The following ARHGAP5 variants were observed in gnomAD, a reference collection of about 807,000 sequenced individuals.
The protein encoded by ARHGAP5 is rho GTPase-activating protein 5.
ARHGAP5 carries 23 observed loss-of-function variants against 116.6 expected under a neutral mutation model. The ratio of observed to expected loss-of-function variants is 0.20; its 90% CI spans 0.14 to 0.28. ARHGAP5 has a LOEUF of 0.28. Ranked by LOEUF, ARHGAP5 falls within the 10% of genes least tolerant of loss-of-function variation. The pLI, the probability that ARHGAP5 is intolerant of heterozygous loss-of-function variation, is 1.00. For synonymous variants in ARHGAP5, 574 were observed against 602.0 expected, an observed-to-expected ratio of 0.95 and a Z score of 0.68; for missense variants, 1,405 against 1,774.8, an observed-to-expected ratio of 0.79 and a Z score of 3.74.
At chr14:32,124,550 T>C (rs1233536148) in intron 3 of ARHGAP5, among the ~76,000 whole-genome samples, 1 of 152,170 alleles carries the variant, frequency 6.6e-6, no homozygotes, top group Non-Finnish European at 1.5e-5. Context: ...ATAAGGATGA[T>C]AAACCTGATA....
chr14:32,080,866 T>C (rs1367430230), intron 1 of ARHGAP5, among the ~76,000 whole-genome samples: 1 of 152,162 alleles, frequency 6.6e-6, no homozygotes, highest in Admixed American at 6.5e-5. Context: ...CTTGGTCATA[T>C]CTGTGTTTTA....
At chr14:32,143,401 C>G (rs1881231681) in intron 3 of ARHGAP5, among the ~76,000 whole-genome samples, 2 of 152,062 alleles carry the variant, frequency 1.3e-5, no homozygotes, top group African/African-American at 4.8e-5. Flanking sequence ...CACCACCACG[C>G]CTGGCTAATT....
intron 2 of ARHGAP5, among the ~76,000 whole-genome samples, chr14:32,106,280 C>G (rs969763161): frequency 6.6e-6 from 1 of 152,102 alleles, no homozygotes; most frequent in Admixed American, 6.6e-5. Flanking sequence ...ACCACCACAC[C>G]TGGCTAATTT....
chr14:32,107,333 A>G (rs1375659832), intron 2 of ARHGAP5, among the ~76,000 whole-genome samples: 1 of 152,202 alleles, frequency 6.6e-6, no homozygotes, highest in African/African-American at 2.4e-5. Context: ...AAGCTTAGAC[A>G]TACCTGTCTA....
rs1881901524 is a variant in ARHGAP5, at chr14:32,156,561, T to C, written c.*1613T>C. 1 of 152,348 alleles carries C rather than the reference T, an allele frequency of 6.6e-6. No individual in the cohort carries two copies. The highest frequency in any genetic ancestry group is 1.5e-5 in the Non-Finnish European group (1 of 67,806). 9.4% of individuals were successfully genotyped at this position (152,348 alleles called of 1,614,324 possible). ...TGTGTTATACTCTTACATGTTATCT[T>C]TTCTAAGAAAACAAAGTCCCTATTA... On this transcript the variant is annotated 3_prime_UTR_variant, in exon 7 of 7. Transcript: ENST00000345122.
chr14:32,085,382 C>G lies in ARHGAP5; in HGVS notation c.-168-5120C>G, dbSNP rs184899377. ...AGAGGATCACCTGAGCGCAGGAGTT[C>G]GAGGCTGCAGTGAGCTATGATCATG... is the stretch of plus-strand genomic sequence containing the variant. On this transcript the variant is annotated intron_variant, in intron 1 of 6. Transcript: ENST00000345122. 3.5e-3 allele frequency among the ~76,000 whole-genome samples: 537 copies of G among 151,978 alleles called. 1 individual carries two copies. Among genetic ancestry groups the G allele is most frequent in the Non-Finnish European group, 4.8e-3 (329 of 67,966 alleles).
chr14:32,082,290 A>T (rs2041785038), intron 1 of ARHGAP5, among the ~76,000 whole-genome samples: 1 of 152,156 alleles, frequency 6.6e-6, no homozygotes, highest in Non-Finnish European at 1.5e-5. Flanking sequence ...ATTACACCAA[A>T]TGGTCTCATA....
In ARHGAP5 at chr14:32,092,884, C is replaced by G; in HGVS notation, c.2215C>G (p.Arg739Gly). 6.2e-7 allele frequency: 1 copy of G among 1,613,928 alleles called. No individual in the cohort carries two copies. The change falls in exon 2 of 7, where the codon CGT becomes GGT. Residue 739 changes from arginine to glycine, a missense_variant. Physicochemically the swap from Arg to Gly is moderately radical, Grantham distance 125. Transcript: ENST00000345122. The surrounding 1 kb of genome is among the most constrained non-coding windows in gnomAD (Gnocchi z 4.1). ...AGATGTACCTGCTGGTACATATCCT[C>G]GTAAATTTAATGAAACCCAAATAAA... ...FVDVPAGTYP[R>G]KFNETQIKQA... is the part of the protein sequence containing the mutation.
At chr14:32,129,265 G>A (rs1239770120) in intron 3 of ARHGAP5, among the ~76,000 whole-genome samples, 1 of 151,980 alleles carries the variant, frequency 6.6e-6, no homozygotes, top group South Asian at 2.1e-4. Context: ...AGTCCTTTCT[G>A]TTCCCATTTT....
In ARHGAP5 at chr14:32,077,502, G is replaced by A. The variant is rs1340199891; in HGVS notation, c.-169+67G>A. 12 of 670,982 alleles carry A rather than the reference G, an allele frequency of 1.8e-5. No individual in the cohort carries two copies. The East Asian group carries it at 2.9e-4, about 16-fold the overall frequency. 41.6% of individuals were successfully genotyped at this position (670,982 alleles called of 1,614,324 possible). A position where few individuals can be genotyped will look rare whatever the true frequency, so the allele number is the denominator to read the frequency against. ...CCTCCCGGACGGGGACCCTCCTGCG[G>A]CTAGCTGCCCCGCTCGGTCGCCGCT... On this transcript the variant is annotated intron_variant, in intron 1 of 6. Transcript: ENST00000345122.
rs8012081 is a variant in ARHGAP5, at chr14:32,139,507, G to C, written c.3866-6756G>C. On this transcript the variant is annotated intron_variant, in intron 3 of 6. Coordinates refer to ENST00000345122, the MANE Select transcript of ARHGAP5 (RefSeq NM_001030055.2). ...ATTTGATGGCGTACAATTGTTCATA[G>C]TATTCTCTTGTAACCCTTTTTATCT... Among the ~76,000 whole-genome samples the C allele has an allele frequency of 4.8e-3, 727 of 152,100 alleles. 11 individuals carry two copies. The highest frequency in any genetic ancestry group is 0.017 in the African/African-American group (711 of 41,544).
chr14:32,098,989 T>C (rs1407454017), intron 2 of ARHGAP5, among the ~76,000 whole-genome samples: 2 of 152,174 alleles, frequency 1.3e-5, no homozygotes, highest in African/African-American at 4.8e-5. Context: ...TTTAGTATAT[T>C]ACAGTAATCT....
chr14:32,104,766 T>C (rs1878934862), intron 2 of ARHGAP5, among the ~76,000 whole-genome samples: 1 of 152,238 alleles, frequency 6.6e-6, no homozygotes, highest in Non-Finnish European at 1.5e-5. Context: ...TTGAGTCGTG[T>C]ATGGACCTTT....
chr14:32,131,875 G>A (rs532069453), intron 3 of ARHGAP5, among the ~76,000 whole-genome samples: 2 of 152,244 alleles, frequency 1.3e-5, no homozygotes, highest in South Asian at 4.2e-4. Context: ...GAGAATGATG[G>A]TTTCCAGTTT....
intron 1 of ARHGAP5, among the ~76,000 whole-genome samples, chr14:32,087,325 C>T (rs893851719): frequency 2.6e-5 from 4 of 151,884 alleles, no homozygotes; most frequent in Non-Finnish European, 2.9e-5. Context: ...ATGAAGTTCC[C>T]TTAAAACCTG....
In ARHGAP5 at chr14:32,092,029, A is replaced by G; in HGVS notation, c.1360A>G (p.Met454Val). 1 of 1,613,758 alleles carries G rather than the reference A, an allele frequency of 6.2e-7. No homozygotes were observed. Residue 454 changes from methionine (M) to valine (V), a missense_variant, in exon 2 of 7, where the codon ATG becomes GTG. This residue lies in a region of ARHGAP5 where 944 missense variants were observed against 1,095.3 expected (regional missense o/e 0.86). Transcript: ENST00000345122. This position sits in a 1 kb window ranked among gnomAD's most constrained non-coding sequence, Gnocchi z 4.1. ...ACCAGGGCAGCCATGGGAGGAAGTT[A>G]TGTGCTTTGTTATGGAGGATGAAGC... ...ISPGQPWEEV[M>V]CFVMEDEAYK...
intron 4 of ARHGAP5, among the ~76,000 whole-genome samples, 157 bp downstream of exon 4, chr14:32,146,497 G>T (rs1341600792): frequency 1.3e-5 from 2 of 152,152 alleles, no homozygotes; most frequent in Non-Finnish European, 2.9e-5. Context: ...AAGTAAAATA[G>T]ATACCACAGT....
rs553846644 is a variant in ARHGAP5, at chr14:32,113,903, C to G, written c.3718-3237C>G. Among the ~76,000 whole-genome samples the G allele has an allele frequency of 1.2e-4, 18 of 152,248 alleles. No homozygotes were observed. In the South Asian group the frequency reaches 3.7e-3, roughly 32 times the overall value. On this transcript the variant is annotated intron_variant, in intron 2 of 6. Transcript: ENST00000345122. ...GATCCCTTCCTTCCTGTTGTTCCCA[C>G]CATAGTCTAGGCATTGCCATTTTCA...
At position 32,158,394 on chromosome 14, in the gene ARHGAP5, T is replaced by C. The variant is rs1361515548; in HGVS notation, c.*3446T>C. The C allele has an allele frequency of 6.6e-6, 1 of 151,936 alleles. No individual in the cohort carries two copies. The highest frequency in any genetic ancestry group is 1.5e-5 in the Non-Finnish European group (1 of 67,842). The allele number at this position is 151,936 out of a possible 1,614,324, so 9.4% of individuals were successfully genotyped here. On this transcript the variant is annotated 3_prime_UTR_variant, in exon 7 of 7. Transcript: ENST00000345122. ...AGATTTCTAAGACTAAGATCTTACC[T>C]GGATGTGATTTTTGAGCTGTGGCTA... is the stretch of plus-strand genomic sequence containing the variant.
Sources: allele counts gnomAD v4.1 joint callset (sites outside exome capture counted in the v4.1 genomes callset), GRCh38; gene constraint gnomAD v4.1.1; regional missense constraint gnomAD v4.1.1; non-coding constraint Gnocchi (gnomAD v3.1); transcripts MANE v1.5; gene names NCBI Gene and HGNC (gene_info 2026-07-23, HGNC 2026-07-21).